Variants in PCSK7 observed in about 807,000 individuals in gnomAD.
PCSK7 encodes proprotein convertase subtilisin/kexin type 7.
In PCSK7, 38 loss-of-function variants were observed where a neutral mutation model predicts 73.3. The observed-to-expected ratio is 0.52, with a 90% confidence interval of 0.40 to 0.68. The LOEUF (loss-of-function observed/expected upper bound fraction) is 0.68, where lower values mean the gene tolerates loss of function less well. Ranked by LOEUF, PCSK7 falls within the 30% of genes least tolerant of loss-of-function variation. PCSK7 has a pLI of 0.00. For missense variants in PCSK7, 692 were observed against 991.5 expected (o/e 0.70, Z 4.06); for synonymous variants, 296 against 383.8 (o/e 0.77, Z 2.68).
chr11:117,229,298 G>A (rs2032548488), intron 3 of PCSK7, 79 bp downstream of exon 3: 2 of 1,067,192 alleles, frequency 1.9e-6, no homozygotes, highest in African/African-American at 1.6e-5. Flanking sequence ...TGACTGAAGA[G>A]TGATATAGTC....
rs776263728 is a variant in PCSK7 at position 117,229,419 on chromosome 11, G to A, written c.426C>T (p.Ser142=). Residue 142 remains serine (S), a synonymous_variant, in exon 3 of 17, where the codon AGC becomes AGT. Transcript: ENST00000320934. ...EQRLLRRAKR[S]VHFNDPKYPQ... ...GGTACTTGGGGTCGTTGAAGTGGAC[G>A]CTGCGCTTGGCCCGCCTTAGCAGCC... 6 of 1,609,060 alleles carry A rather than the reference G, an allele frequency of 3.7e-6. No individual in the cohort carries two copies. Among genetic ancestry groups the A allele is most frequent in the Admixed American group, 1.7e-5 (1 of 60,024 alleles).
chr11:117,204,337 G>T lies in PCSK7; in HGVS notation c.*1660C>A. 1.9e-6 allele frequency: 3 copies of T among 1,614,206 alleles called. No homozygotes were observed. The highest frequency in any genetic ancestry group is 1.1e-5 in the South Asian group (1 of 91,082). ...CAGGCCGGCATGACAGGCTACGGAC[G>T]ACCTCGGCAGATCATCAGTTAGAGC... On this transcript the variant is annotated 3_prime_UTR_variant, in exon 17 of 17. Transcript: ENST00000320934.
At chr11:117,210,133 A>G (rs1175977549) in intron 12 of PCSK7, 4 of 152,212 alleles carry the variant, frequency 2.6e-5, no homozygotes, top group African/African-American at 4.8e-5. Context: ...GTGAACTCCA[A>G]ATAAGCTCTA....
Position 117,218,118 on chromosome 11 carries a change from G to C in PCSK7, c.1534+348C>G, listed in dbSNP as rs947901768. The C allele has an allele frequency of 5.9e-6, 1 of 169,366 alleles. No individual in the cohort carries two copies. Among genetic ancestry groups the C allele is most frequent in the African/African-American group, 2.4e-5 (1 of 42,106 alleles). The allele number at this position is 169,366 out of a possible 1,614,324, so 10.5% of individuals were successfully genotyped here. On this transcript the variant is annotated intron_variant, in intron 12 of 16. Coordinates refer to ENST00000320934, the MANE Select transcript of PCSK7 (RefSeq NM_004716.4). The surrounding 1 kb of genome is among the most constrained non-coding windows in gnomAD (Gnocchi z 4.0). ...CCCGAGGACTGACCAGAGTTCTCTG[G>C]CAAGATCTTAGCATGGAAGTCACAG...
In PCSK7 at chr11:117,224,127, G is replaced by T; in HGVS notation, c.1005C>A (p.Asp335Glu). ...VASGNGGQHNDNCNYDGYANS... is the reference protein window; with the variant it reads ...VASGNGGQHNENCNYDGYANS... ...TGGCGTAGCCATCGTAGTTGCAGTT[G>T]TCGTTGTGTTGGCCTCCGTTGCCAC... is the stretch of plus-strand genomic sequence containing the variant. Residue 335 changes from aspartate to glutamate, a missense_variant, in exon 8 of 17, where the codon GAC becomes GAA. Asp to Glu is a conservative substitution (Grantham distance 45, BLOSUM62 2). Around this residue, in one of 6 missense-constraint regions of PCSK7, gnomAD observed 574 missense variants for 689.8 expected, o/e 0.83. Coordinates refer to ENST00000320934, the MANE Select transcript of PCSK7 (RefSeq NM_004716.4). The T allele has an allele frequency of 1.2e-6, 2 of 1,614,138 alleles. No homozygotes were observed. The highest frequency in any genetic ancestry group is 4.5e-5 in the East Asian group (2 of 44,888).
chr11:117,208,915 G>T lies in PCSK7; in HGVS notation c.1673C>A (p.Ala558Asp). ...CPSGMMSLIG[A>D]PRSMDSDPNG... ...TACATACGAGTCCATGCTGCGGGGG[G>T]CGCCGATGAGGGACATCATGCCACT... Residue 558 changes from alanine (A) to aspartate (D), a missense_variant, in exon 13 of 17, where the codon GCC (alanine) becomes GAC (aspartate). Ala to Asp is a moderately radical substitution (Grantham distance 126, BLOSUM62 -2). Transcript: ENST00000320934. 1 of 1,612,442 alleles carries T rather than the reference G, an allele frequency of 6.2e-7. No homozygotes were observed. The highest frequency in any genetic ancestry group is 8.5e-7 in the Non-Finnish European group (1 of 1,179,816).
rs1348649350 is a variant in PCSK7, at chr11:117,225,978, T to G, written c.813A>C (p.Ala271=). The part of the protein sequence containing the change: ...LDGPLTDSME[A]VAFNKHYQIN... Reference sequence around the variant, plus strand: ...TCTGATAGTGCTTGTTGAACGCCACTGCCTCCATGCTGTCTGTGAGAGGTC... The same window carrying G: ...TCTGATAGTGCTTGTTGAACGCCACGGCCTCCATGCTGTCTGTGAGAGGTC... The change falls in exon 6 of 17, where the codon GCA becomes GCC. Residue 271 remains alanine, a synonymous_variant. Coordinates refer to ENST00000320934, the MANE Select transcript of PCSK7 (RefSeq NM_004716.4). 2 of 1,612,358 alleles carry G rather than the reference T, an allele frequency of 1.2e-6. No homozygotes were observed. The highest frequency in any genetic ancestry group is 1.7e-6 in the Non-Finnish European group (2 of 1,178,496).
chr11:117,215,935 A>T (rs2031967135), intron 12 of PCSK7: 1 of 152,036 alleles, frequency 6.6e-6, no homozygotes, highest in Non-Finnish European at 1.5e-5. Flanking sequence ...GGCTTACTGC[A>T]GCCTTGGCAT....
In PCSK7 at chr11:117,205,162, T is replaced by TA. The variant is rs2031294379; in HGVS notation, c.*834dup. On this transcript the variant is annotated 3_prime_UTR_variant, in exon 17 of 17. Coordinates refer to ENST00000320934, the MANE Select transcript of PCSK7 (RefSeq NM_004716.4). ...AAAGAGAAAAACAAATCTTAAGCAT[T>TA]AAAAAAAATTCAACCAACTAGCTCA... is the stretch of plus-strand genomic sequence containing the variant. 4.3e-5 allele frequency: 10 copies of TA among 232,284 alleles called. No individual in the cohort carries two copies. The highest frequency in any genetic ancestry group is 1.8e-4 in the South Asian group (1 of 5,518). 14.4% of individuals were successfully genotyped at this position (232,284 alleles called of 1,614,324 possible). A position where few individuals can be genotyped will look rare whatever the true frequency, so the allele number is the denominator to read the frequency against.
At chr11:117,230,562 C>T (rs2134337568) in intron 1 of PCSK7, 94 bp from the exon 2 acceptor site, 1 of 152,374 alleles carries the variant, frequency 6.6e-6, no homozygotes, top group South Asian at 2.1e-4. Flanking sequence ...ACCAAAGAAA[C>T]TTCATTAATT....
chr11:117,222,838 G>C (rs1014903552), intron 9 of PCSK7: 1 of 180,544 alleles, frequency 5.5e-6, no homozygotes, highest in Admixed American at 6.0e-5. Context: ...GTAGAGACAG[G>C]GTTTCACCAT....
intron 12 of PCSK7, chr11:117,212,160 T>C (rs986228098): frequency 6.6e-6 from 1 of 151,560 alleles, no homozygotes; most frequent in African/African-American, 2.4e-5. Context: ...CCTACCACCT[T>C]TGAGATCTAC....
chr11:117,228,463 A>G (rs1465442918), intron 3 of PCSK7, 113 bp from the exon 4 acceptor site: 1 of 855,406 alleles, frequency 1.2e-6, no homozygotes, highest in East Asian at 2.6e-5. Context: ...AGCCAGACAG[A>G]TTGCAGACCA....
At chr11:117,229,990 T>C in intron 2 of PCSK7, 134 bp from the exon 3 acceptor site, 1 of 600,570 alleles carries the variant, frequency 1.7e-6, no homozygotes, top group Admixed American at 3.2e-5. Context: ...GTGAAACATT[T>C]GATCTTCTCT....
rs747636088 is a variant in PCSK7, at chr11:117,228,252, T to TC, written c.566dup (p.Val190SerfsTer13). 6.2e-7 allele frequency: 1 copy of TC among 1,613,508 alleles called. No homozygotes were observed. The highest frequency in any genetic ancestry group is 8.5e-7 in the Non-Finnish European group (1 of 1,179,700). ...CAATGTCCTGGATGGTGTGTTCCAC[T>TC]CCGTCATCCACTACCACCACCGTCA... On this transcript the variant is annotated frameshift_variant, in exon 4 of 17. Coordinates refer to ENST00000320934, the MANE Select transcript of PCSK7 (RefSeq NM_004716.4). LOFTEE classifies it high-confidence loss of function.
chr11:117,218,721 T>C lies in PCSK7; in HGVS notation c.1432-153A>G. 1.7e-6 allele frequency: 1 copy of C among 580,228 alleles called. No individual in the cohort carries two copies. 35.9% of individuals were successfully genotyped at this position (580,228 alleles called of 1,614,324 possible). ...TCATCTTCCTTCAGCCCTCAGCTCC[T>C]GCTTGCTCGCTGGAATGCTCCGTAC... On this transcript the variant is annotated intron_variant, in intron 11 of 16. Coordinates refer to ENST00000320934, the MANE Select transcript of PCSK7 (RefSeq NM_004716.4). This position sits in a 1 kb window ranked among gnomAD's most constrained non-coding sequence, Gnocchi z 4.0.
intron 5 of PCSK7, 107 bp downstream of exon 5, chr11:117,227,041 TATGTGTGTC>T: frequency 1.3e-6 from 1 of 790,440 alleles, no homozygotes; most frequent in Non-Finnish European, 2.0e-6. Context: ...TGCTCTATGC[TATGTGTGTC>T]AGCTGGGCTA....
At position 117,206,293 on chromosome 11, in the gene PCSK7, A is replaced by T. The variant is rs608620; in HGVS notation, c.2062T>A (p.Leu688Met). ...TTGGAAGCCACATTCCTCTGGCTCA[A>T]ATATACTTCCAGCATGTAGTAAACA... is the stretch of plus-strand genomic sequence containing the variant. ...WTVYYMLEVY[L>M]SQRNVASNQV... Residue 688 changes from leucine (L) to methionine (M), a missense_variant, in exon 17 of 17, where the codon TTG becomes ATG. Physicochemically the swap from Leu to Met is conservative, Grantham distance 15. Coordinates refer to ENST00000320934, the MANE Select transcript of PCSK7 (RefSeq NM_004716.4). 1 of 1,609,510 alleles carries T rather than the reference A, an allele frequency of 6.2e-7. No homozygotes were observed. Among genetic ancestry groups the T allele is most frequent in the Admixed American group, 1.7e-5 (1 of 57,842 alleles).
Position 117,229,521 on chromosome 11 carries a change from C to T in PCSK7, c.324G>A (p.Leu108=). 4 of 1,613,106 alleles carry T rather than the reference C, an allele frequency of 2.5e-6. No individual in the cohort carries two copies. The highest frequency in any genetic ancestry group is 3.4e-6 in the Non-Finnish European group (4 of 1,180,040). ...CCTGCTGCCGGATGGCCTCCACCTCCAGGGCCGGCCTGTGCCCAGCAGGCT... is the reference window on the plus strand; with the variant it reads ...CCTGCTGCCGGATGGCCTCCACCTCTAGGGCCGGCCTGTGCCCAGCAGGCT... ...FVQPAGHRPA[L]EVEAIRQQVE... Residue 108 remains leucine (L), a synonymous_variant, in exon 3 of 17, where the codon CTG becomes CTA. Transcript: ENST00000320934.
Sources: allele counts gnomAD v4.1 joint callset, GRCh38; gene constraint gnomAD v4.1.1; regional missense constraint gnomAD v4.1.1; non-coding constraint Gnocchi (gnomAD v3.1); transcripts MANE v1.5; gene names NCBI Gene and HGNC (gene_info 2026-07-23, HGNC 2026-07-21).